Variants in MDFIC2 observed in about 807,000 individuals in gnomAD.
MDFIC2 encodes the protein MyoD family inhibitor domain containing 2, also known as myoD family inhibitor domain-containing protein 2.
chr3:70,234,170 T>TTAG (rs1389820147), intron 2 of MDFIC2, among the ~76,000 whole-genome samples: 1 of 152,210 alleles, frequency 6.6e-6, no homozygotes, highest in Non-Finnish European at 1.5e-5. Flanking sequence ...AATGAATGAC[T>TTAG]TAGGATTGGG....
intron 2 of MDFIC2, among the ~76,000 whole-genome samples, chr3:70,273,075 C>T (rs1186649820): frequency 6.6e-6 from 1 of 152,152 alleles, no homozygotes; most frequent in African/African-American, 2.4e-5. Flanking sequence ...GAAGTTCAGC[C>T]AGTGACCCAA....
chr3:70,227,048 T>C (rs765479848), intron 2 of MDFIC2, among the ~76,000 whole-genome samples: 1 of 152,166 alleles, frequency 6.6e-6, no homozygotes, highest in East Asian at 1.9e-4. Context: ...AAATATACCA[T>C]ATGCAGACAT....
intron 2 of MDFIC2, among the ~76,000 whole-genome samples, chr3:70,299,973 A>G (rs952730097): frequency 4.9e-4 from 75 of 152,240 alleles, no homozygotes; most frequent in African/African-American, 1.8e-3. Context: ...TGAAAAGAAC[A>G]TACCCCAGAC....
intron 2 of MDFIC2, among the ~76,000 whole-genome samples, chr3:70,301,534 A>T (rs1702349015): frequency 6.6e-6 from 1 of 152,122 alleles, no homozygotes; most frequent in South Asian, 2.1e-4. Flanking sequence ...GTCTTGCAGG[A>T]AATGAAAACA....
At chr3:70,210,503 C>T (rs1009006196) in intron 2 of MDFIC2, among the ~76,000 whole-genome samples, 3 of 152,046 alleles carry the variant, frequency 2.0e-5, no homozygotes, top group African/African-American at 7.2e-5. Context: ...ATAGATGATG[C>T]TAACAATAAT....
At chr3:70,200,147 G>T (rs1007029505) in intron 3 of MDFIC2, among the ~76,000 whole-genome samples, 12 of 152,134 alleles carry the variant, frequency 7.9e-5, no homozygotes, top group African/African-American at 2.9e-4. Flanking sequence ...CTCACCACCT[G>T]CAGGGCCACC....
intron 2 of MDFIC2, among the ~76,000 whole-genome samples, chr3:70,237,979 C>CTTTATTTTTTTTT (rs1701627930): frequency 2.0e-5 from 1 of 48,932 alleles, no homozygotes; most frequent in African/African-American, 1.1e-4. Context: ...TGAGTGGTAT[C>CTTTATTTTTTTTT]TTTTTTTTTT....
At chr3:70,224,467 G>A (rs1048953892) in intron 2 of MDFIC2, among the ~76,000 whole-genome samples, 2 of 152,172 alleles carry the variant, frequency 1.3e-5, no homozygotes, top group South Asian at 2.1e-4. Flanking sequence ...AAAGAAAAGC[G>A]CTTCATTCTC....
chr3:70,307,078 T>C (rs1381057057), intron 2 of MDFIC2, among the ~76,000 whole-genome samples: 1 of 152,100 alleles, frequency 6.6e-6, no homozygotes, highest in African/African-American at 2.4e-5. Flanking sequence ...GAAAATTATA[T>C]TAGGTTTCAT....
At chr3:70,208,094 T>C (rs1576155399) in intron 2 of MDFIC2, among the ~76,000 whole-genome samples, 1 of 152,202 alleles carries the variant, frequency 6.6e-6, no homozygotes, top group South Asian at 2.1e-4. Flanking sequence ...AGGACCAGAC[T>C]GGGTCATGGT....
At chr3:70,270,612 T>G in intron 2 of MDFIC2, among the ~76,000 whole-genome samples, 1 of 152,190 alleles carries the variant, frequency 6.6e-6, no homozygotes. Context: ...CAGGGTTTTC[T>G]CTATGTATAT....
Position 70,210,382 on chromosome 3 carries a change from A to G in MDFIC2, c.89-3592T>C, listed in dbSNP as rs553850391. ...TGGGAACTATCTGTTGCTCATTAGAAAATCATCTGACATACACACATTTGA... is the reference window on the plus strand; with the variant it reads ...TGGGAACTATCTGTTGCTCATTAGAGAATCATCTGACATACACACATTTGA... On this transcript the variant is annotated intron_variant, in intron 2 of 3. Coordinates refer to ENST00000567252, the MANE Select transcript of MDFIC2 (RefSeq NM_001364677.1). Among the ~76,000 whole-genome samples the G allele has an allele frequency of 5.1e-3, 771 of 152,218 alleles. 4 individuals are homozygous for G. Among genetic ancestry groups the G allele is most frequent in the Middle Eastern group, 0.017 (5 of 294 alleles).
chr3:70,236,058 T>A (rs1252065460), intron 2 of MDFIC2, among the ~76,000 whole-genome samples: 1 of 152,120 alleles, frequency 6.6e-6, no homozygotes, highest in Non-Finnish European at 1.5e-5. Context: ...TCTTAATGAA[T>A]AATCTTTCCC....
intron 2 of MDFIC2, among the ~76,000 whole-genome samples, chr3:70,274,056 C>T (rs951206175): frequency 7.0e-6 from 1 of 142,852 alleles, no homozygotes; most frequent in African/African-American, 2.6e-5. Context: ...ATTAAACCTC[C>T]GTGTGTGTGT....
intron 2 of MDFIC2, among the ~76,000 whole-genome samples, chr3:70,287,791 G>C (rs1424064785): frequency 6.6e-6 from 1 of 150,952 alleles, no homozygotes; most frequent in African/African-American, 2.4e-5. Context: ...TCTTGGGAGA[G>C]TGTATGTGTC....
intron 2 of MDFIC2, among the ~76,000 whole-genome samples, chr3:70,299,689 A>G (rs1317818507): frequency 2.0e-5 from 3 of 152,116 alleles, no homozygotes; most frequent in Admixed American, 6.6e-5. Flanking sequence ...GCTTCTAACT[A>G]GTCACTCTGG....
intron 2 of MDFIC2, among the ~76,000 whole-genome samples, chr3:70,252,746 A>G (rs1190277245): frequency 6.6e-6 from 1 of 152,062 alleles, no homozygotes; most frequent in Non-Finnish European, 1.5e-5. Context: ...GGTTCTGTGG[A>G]TACATCAGTG....
chr3:70,231,038 GC>G (rs1701554911), intron 2 of MDFIC2, among the ~76,000 whole-genome samples: 2 of 152,094 alleles, frequency 1.3e-5, no homozygotes, highest in Admixed American at 1.3e-4. Context: ...TCTTACCATC[GC>G]TCTGCATTTG....
intron 2 of MDFIC2, among the ~76,000 whole-genome samples, chr3:70,301,897 T>G (rs1368568624): frequency 6.6e-6 from 1 of 152,146 alleles, no homozygotes; most frequent in Non-Finnish European, 1.5e-5. Context: ...ATTTGATACG[T>G]GAAAGAGGAG....
Sources: allele counts gnomAD v4.1 joint callset (sites outside exome capture counted in the v4.1 genomes callset), GRCh38; gene constraint gnomAD v4.1.1; transcripts MANE v1.5; gene names NCBI Gene and HGNC (gene_info 2026-07-23, HGNC 2026-07-21).